AKR1C2: variants seen among roughly 807,000 people sequenced by gnomAD.
AKR1C2 encodes 3-alpha-HSD3.
Under a neutral mutation model 39.8 loss-of-function variants are expected in AKR1C2, and 27 were observed. That is an observed-to-expected ratio of 0.68 (90% CI 0.50 to 0.93). The LOEUF is 0.93. Among genes scored for constraint, AKR1C2 ranks in the 40% least tolerant of loss-of-function variants. The pLI is 0.00. For missense variants in AKR1C2, 263 were observed against 365.1 expected, an observed-to-expected ratio of 0.72 and a Z score of 2.28; for synonymous variants, 114 against 137.9, an observed-to-expected ratio of 0.83 and a Z score of 1.22.
chr10:4,994,068 CT>C (rs1836935246), intron 7 of AKR1C2, among the ~76,000 whole-genome samples: 1 of 151,260 alleles, frequency 6.6e-6, no homozygotes, highest in Non-Finnish European at 1.5e-5. Context: ...ACTTATTTTA[CT>C]TAATGTTTTA....
At chr10:4,993,077 G>A (rs1444532241) in intron 7 of AKR1C2, among the ~76,000 whole-genome samples, 4 of 152,164 alleles carry the variant, frequency 2.6e-5, no homozygotes, top group Non-Finnish European at 5.9e-5. Flanking sequence ...TATTGTCAAA[G>A]ATTCAGTTCT....
Position 5,014,498 on chromosome 10 carries a change from G to A in AKR1C2, c.-88+3402C>T, listed in dbSNP as rs141782030. Among the ~76,000 whole-genome samples, 1,026 of 152,052 alleles carry A rather than the reference G, an allele frequency of 6.7e-3. 15 individuals carry two copies. Among genetic ancestry groups the A allele is most frequent in the African/African-American group, 0.024 (976 of 41,430 alleles). On this transcript the variant is annotated intron_variant, in intron 1 of 6. Coordinates refer to the AKR1C2 transcript ENST00000604507. ...GGCATTGGTTGAACAAGGTGTGTTG[G>A]CATCCAAACCACGCCTTCATCATTT...
upstream of AKR1C2, among the ~76,000 whole-genome samples, chr10:5,005,701 G>T (rs1837389770): frequency 6.6e-6 from 1 of 152,006 alleles, no homozygotes; most frequent in South Asian, 2.1e-4. Context: ...AAATGACAAG[G>T]CATACAAAGA....
At chr10:5,008,280 T>A (rs368530852), upstream of AKR1C2, among the ~76,000 whole-genome samples, 13,632 of 108,844 alleles carry the variant, frequency 0.13, 1,597 homozygotes, top group Non-Finnish European at 0.17. Context: ...CCTGAGCAGG[T>A]TTCTTTCTGG....
intron 7 of AKR1C2, among the ~76,000 whole-genome samples, chr10:4,992,867 T>C (rs1836887913): frequency 6.6e-6 from 1 of 152,140 alleles, no homozygotes; most frequent in South Asian, 2.1e-4. Flanking sequence ...GGAGAACTGC[T>C]TGAACCCGGG....
intron 1 of AKR1C2, chr10:5,013,450 T>C (rs1290404776): frequency 6.1e-6 from 1 of 162,852 alleles, no homozygotes; most frequent in Admixed American, 6.3e-5. Context: ...AGGAAGTATG[T>C]GAAGAGCACA....
In AKR1C2 at chr10:4,988,376, A is replaced by C. The variant is rs1836729105; in HGVS notation, c.*1620T>G. On this transcript the variant is annotated 3_prime_UTR_variant, in exon 9 of 9. Transcript: ENST00000380753. Reference sequence around the variant, plus strand: ...ACTTTAACATGGAGATGCAGAGTTCACATTATGATCTTCCATTGAAGATTT... The same window carrying C: ...ACTTTAACATGGAGATGCAGAGTTCCCATTATGATCTTCCATTGAAGATTT... 2 of 152,180 alleles carry C rather than the reference A, an allele frequency of 1.3e-5. No individual in the cohort carries two copies. Among genetic ancestry groups the C allele is most frequent in the Non-Finnish European group, 2.9e-5 (2 of 68,034 alleles). The allele number at this position is 152,180 out of a possible 1,614,324, so 9.4% of individuals were successfully genotyped here.
At chr10:5,002,091 C>T (rs1837291019) in intron 1 of AKR1C2, among the ~76,000 whole-genome samples, 1 of 152,306 alleles carries the variant, frequency 6.6e-6, no homozygotes, top group South Asian at 2.1e-4. Context: ...CCTCTCCCAC[C>T]ATGTTGCACA....
At chr10:5,003,560 C>T (rs1177728394) in intron 1 of AKR1C2, among the ~76,000 whole-genome samples, 192 bp downstream of exon 1, 1 of 151,486 alleles carries the variant, frequency 6.6e-6, no homozygotes, top group Non-Finnish European at 1.5e-5. Flanking sequence ...GTGAAATAAA[C>T]ATAAACAGAA....
intron 1 of AKR1C2, among the ~76,000 whole-genome samples, chr10:5,013,144 A>G (rs1837556841): frequency 6.6e-6 from 1 of 152,202 alleles, no homozygotes; most frequent in South Asian, 2.1e-4. Context: ...CCACCATGGC[A>G]TGAGTTTACC....
chr10:5,008,348 C>G (rs1193143035), upstream of AKR1C2, among the ~76,000 whole-genome samples: 5 of 151,596 alleles, frequency 3.3e-5, no homozygotes, highest in Non-Finnish European at 7.4e-5. Context: ...CAAGCCTCAA[C>G]CACTCTTGTG....
chr10:5,003,864 T>G (rs1554774141), upstream of AKR1C2: 1 of 1,613,812 alleles, frequency 6.2e-7, no homozygotes, highest in South Asian at 1.1e-5. Context: ...TAGCAAATGT[T>G]TCTTCCTCCC....
chr10:5,003,089 A>G (rs574469533), intron 1 of AKR1C2, among the ~76,000 whole-genome samples: 1 of 152,260 alleles, frequency 6.6e-6, no homozygotes, highest in South Asian at 2.1e-4. Flanking sequence ...AATAAAATAT[A>G]TTCCATTAAT....
rs1397129421 is a variant in AKR1C2, at chr10:4,990,391, T to A, written c.930-353A>T. On this transcript the variant is annotated intron_variant, in intron 8 of 8. Transcript: ENST00000380753. ...ATTCTCACTAAAAACAGGAACTCCTTCTGCCTTACATTGAAGAGGAATAAG... is the reference window on the plus strand; with the variant it reads ...ATTCTCACTAAAAACAGGAACTCCTACTGCCTTACATTGAAGAGGAATAAG... Among the ~76,000 whole-genome samples, 7 of 152,330 alleles carry A rather than the reference T, an allele frequency of 4.6e-5. No homozygotes were observed. The East Asian group carries it at 1.3e-3, about 29-fold the overall frequency.
chr10:4,999,573 T>C, intron 3 of AKR1C2: 1 of 296,564 alleles, frequency 3.4e-6, no homozygotes, highest in East Asian at 8.5e-5. Context: ...ATTTTCTCTG[T>C]GGCAATACCT....
upstream of AKR1C2, among the ~76,000 whole-genome samples, chr10:5,008,166 C>T (rs191682687): frequency 4.9e-3 from 747 of 151,550 alleles, 15 homozygotes; most frequent in African/African-American, 0.017. Context: ...CTTTCTCCCA[C>T]AGCTTTGCTA....
rs1309210496 is a variant in AKR1C2 at position 4,988,042 on chromosome 10, GA to G, written c.*1953del. The G allele has an allele frequency of 6.6e-6, 1 of 151,880 alleles. No individual in the cohort carries two copies. The highest frequency in any genetic ancestry group is 1.5e-5 in the Non-Finnish European group (1 of 67,996). The allele number at this position is 151,880 out of a possible 1,614,324, so 9.4% of individuals were successfully genotyped here. ...TAACAATAAGAGTTTTATAAAAATGGATGGTGAAGAACTGGAAAAAGCCCAC... is the reference window on the plus strand; with the variant it reads ...TAACAATAAGAGTTTTATAAAAATGGTGGTGAAGAACTGGAAAAAGCCCAC... On this transcript the variant is annotated 3_prime_UTR_variant, in exon 9 of 9. Coordinates refer to ENST00000380753, the MANE Select transcript of AKR1C2 (RefSeq NM_001393392.1).
intron 5 of AKR1C2, among the ~76,000 whole-genome samples, chr10:4,998,068 C>T (rs1356961604): frequency 2.0e-5 from 3 of 152,320 alleles, no homozygotes; most frequent in South Asian, 2.1e-4. Context: ...ATAAACAGGT[C>T]ATTTTCTCTT....
intron 1 of AKR1C2, chr10:5,013,207 A>G (rs1837558696): frequency 6.6e-6 from 1 of 152,262 alleles, no homozygotes; most frequent in Non-Finnish European, 1.5e-5. Flanking sequence ...AGTTAAAAAT[A>G]TTGAAAATAA....
Sources: allele counts gnomAD v4.1 joint callset (sites outside exome capture counted in the v4.1 genomes callset), GRCh38; gene constraint gnomAD v4.1.1; transcripts MANE v1.5; gene names NCBI Gene and HGNC (gene_info 2026-07-23, HGNC 2026-07-21).